Variants in TNRC18 observed in about 807,000 individuals in gnomAD.
TNRC18 encodes trinucleotide repeat-containing gene 18 protein.
A neutral mutation model predicts 226.7 loss-of-function variants in TNRC18; 69 were observed. The ratio of observed to expected loss-of-function variants is 0.30; its 90% CI spans 0.25 to 0.37. The LOEUF is 0.37. TNRC18 is among the 10% of genes least tolerant of loss of function. The probability of loss-of-function intolerance (pLI) is 1.00; values close to 1 mark genes in which losing one functional copy is unlikely to be tolerated. For synonymous variants in TNRC18, 2,449 were observed against 1,927.6 expected (o/e 1.27, Z -7.09); for missense variants, 4,754 against 4,256.6 (o/e 1.12, Z -3.25).
At position 5,348,775 on chromosome 7, in the gene TNRC18, G is replaced by A. The variant is rs971917859; in HGVS notation, c.5471-2965C>T. Among the ~76,000 whole-genome samples the A allele has an allele frequency of 1.2e-4, 18 of 152,232 alleles. No individual in the cohort carries two copies. The South Asian group carries it at 3.1e-3, about 26-fold the overall frequency. Reference sequence around the variant, plus strand: ...GGCTGGAGAGGCCAGCCAGGCAGGCGGGGGCAGGCAGGCAGGCAGTGCACA... The same window carrying A: ...GGCTGGAGAGGCCAGCCAGGCAGGCAGGGGCAGGCAGGCAGGCAGTGCACA... On this transcript the variant is annotated intron_variant, in intron 17 of 29. Transcript: ENST00000430969.
chr7:5,388,990 C>A lies in TNRC18; in HGVS notation c.834G>T (p.Pro278=). The A allele has an allele frequency of 7.3e-7, 1 of 1,369,806 alleles. No homozygotes were observed. The highest frequency in any genetic ancestry group is 9.5e-7 in the Non-Finnish European group (1 of 1,054,298). The allele number at this position is 1,369,806 out of a possible 1,614,324, so 84.9% of individuals were successfully genotyped here. Residue 278 remains proline, a synonymous_variant, in exon 5 of 30, where the codon CCG becomes CCT. Coordinates refer to ENST00000430969, the MANE Select transcript of TNRC18 (RefSeq NM_001080495.3). ...ESKTKNAALQ[P]SVLTMCNGGA... ...CGCCGTTGCACATGGTCAGTACCGACGGCTGCAGCGCCGCATTCTTGGTCT... is the reference window on the plus strand; with the variant it reads ...CGCCGTTGCACATGGTCAGTACCGAAGGCTGCAGCGCCGCATTCTTGGTCT...
At chr7:5,343,771 C>T (rs1006861845) in intron 18 of TNRC18, among the ~76,000 whole-genome samples, 1 of 152,198 alleles carries the variant, frequency 6.6e-6, no homozygotes, top group African/African-American at 2.4e-5. Context: ...TTTTCTCAGA[C>T]ATAATGCTAC....
rs1793112580 is a variant in TNRC18 at position 5,362,051 on chromosome 7, A to AG, written c.4396-19dup. 1 of 1,610,650 alleles carries AG rather than the reference A, an allele frequency of 6.2e-7. No homozygotes were observed. Among genetic ancestry groups the AG allele is most frequent in the Non-Finnish European group, 8.5e-7 (1 of 1,178,158 alleles). ...GCATACATCTGGGGGAAGAACCGGG[A>AG]GAGGAGGAGGGGGTGAGGATGCCAC... On this transcript the variant is annotated intron_variant, in intron 12 of 29. Coordinates refer to ENST00000430969, the MANE Select transcript of TNRC18 (RefSeq NM_001080495.3).
chr7:5,364,418 A>G (rs540199544), intron 11 of TNRC18, among the ~76,000 whole-genome samples: 7 of 150,340 alleles, frequency 4.7e-5, no homozygotes, highest in Admixed American at 4.0e-4. Context: ...TGATCACACC[A>G]CTGCACTCCA....
Position 5,309,431 on chromosome 7 carries a change from C to G in TNRC18, c.8389-63G>C, listed in dbSNP as rs978341130. On this transcript the variant is annotated intron_variant, in intron 27 of 29. Coordinates refer to ENST00000430969, the MANE Select transcript of TNRC18 (RefSeq NM_001080495.3). This position sits in a 1 kb window ranked among gnomAD's most constrained non-coding sequence, Gnocchi z 5.7. ...CAGCCCCAAGGAGCCCGCCGCCTGG[C>G]AGGCTCTGCCGCTTGGGACTCTGGG... The G allele has an allele frequency of 1.5e-5, 22 of 1,462,912 alleles. No individual in the cohort carries two copies. The highest frequency in any genetic ancestry group is 8.2e-5 in the Admixed American group (4 of 48,600). 90.6% of individuals were successfully genotyped at this position (1,462,912 alleles called of 1,614,324 possible).
intron 11 of TNRC18, among the ~76,000 whole-genome samples, chr7:5,364,575 G>A (rs1428895579): frequency 3.3e-5 from 5 of 151,836 alleles, no homozygotes; most frequent in African/African-American, 4.8e-5. Flanking sequence ...AGGCCGAGGC[G>A]GGTGGATGGC....
rs1270663105 is a variant in TNRC18 at position 5,309,138 on chromosome 7, C to T, written c.8619G>A (p.Gln2873=). ...EETSPGKQFH[Q]GQHWDQKSSR... ...AGCCGGGCCGCAGGCTCACCTGGCC[C>T]TGGTGGAACTGCTTGCCCGGGCTGG... The change falls in exon 28 of 30, where the codon CAG becomes CAA. Residue 2873 remains glutamine (Q), a synonymous_variant. Coordinates refer to ENST00000430969, the MANE Select transcript of TNRC18 (RefSeq NM_001080495.3). This position sits in a 1 kb window ranked among gnomAD's most constrained non-coding sequence, Gnocchi z 5.7. 2.5e-6 allele frequency: 4 copies of T among 1,608,622 alleles called. No homozygotes were observed. In the African/African-American group the frequency reaches 5.3e-5, roughly 22 times the overall value.
At chr7:5,333,088 G>A in intron 18 of TNRC18, 39 bp from the exon 19 acceptor site, 2 of 1,539,498 alleles carry the variant, frequency 1.3e-6, no homozygotes, top group Admixed American at 1.9e-5. Context: ...ACAGCCTCGT[G>A]GGGACCCCTT....
intron 18 of TNRC18, among the ~76,000 whole-genome samples, chr7:5,335,301 CAA>C (rs1167746227): frequency 1.2e-4 from 7 of 58,530 alleles, no homozygotes; most frequent in Admixed American, 2.5e-4. Flanking sequence ...GAATCTGTCT[CAA>C]AAAAAAAAAA....
At chr7:5,365,706 A>C (rs6965837) in intron 11 of TNRC18, among the ~76,000 whole-genome samples, 1 of 151,688 alleles carries the variant, frequency 6.6e-6, no homozygotes, top group Non-Finnish European at 1.5e-5. Flanking sequence ...CTTCTGCCGC[A>C]GCCTCCCAAA....
intron 2 of TNRC18, among the ~76,000 whole-genome samples, chr7:5,416,965 G>A (rs1300147545): frequency 1.4e-5 from 2 of 145,506 alleles, no homozygotes; most frequent in South Asian, 2.2e-4. Flanking sequence ...CTGGTTGACA[G>A]AGTAAAACCC....
At chr7:5,355,858 A>G (rs1417886259) in intron 16 of TNRC18, among the ~76,000 whole-genome samples, 1 of 152,070 alleles carries the variant, frequency 6.6e-6, no homozygotes, top group Non-Finnish European at 1.5e-5. Context: ...AGCCTAAGCA[A>G]TAAGAAGAGA....
At chr7:5,351,690 T>C in intron 17 of TNRC18, 129 bp downstream of exon 17, 3 of 1,034,312 alleles carry the variant, frequency 2.9e-6, no homozygotes, top group Non-Finnish European at 4.1e-6. Context: ...GGCAGCCTTC[T>C]TGCGGCCATC....
Position 5,351,961 on chromosome 7 carries a change from C to T in TNRC18, c.5328G>A (p.Lys1776=). 6.2e-7 allele frequency: 1 copy of T among 1,613,936 alleles called. No individual in the cohort carries two copies. The highest frequency in any genetic ancestry group is 8.5e-7 in the Non-Finnish European group (1 of 1,179,866). ...AKNSKAAGGP[K]LTKRGLAAPR... is the part of the protein sequence containing the mutation. ...GGGCCGCCAGGCCCCTCTTGGTCAG[C>T]TTGGGGCCACCAGCTGCCTTGCTGT... The change falls in exon 17 of 30, where the codon AAG becomes AAA. Residue 1776 remains lysine, a synonymous_variant. Coordinates refer to ENST00000430969, the MANE Select transcript of TNRC18 (RefSeq NM_001080495.3).
At chr7:5,350,189 G>A (rs1057228990) in intron 17 of TNRC18, among the ~76,000 whole-genome samples, 2 of 152,202 alleles carry the variant, frequency 1.3e-5, no homozygotes, top group South Asian at 4.2e-4. Flanking sequence ...TCCACGGACA[G>A]CCCGGGCAGG....
chr7:5,410,860 C>CAA (rs34320785), intron 2 of TNRC18, among the ~76,000 whole-genome samples: 445 of 36,296 alleles, frequency 0.012, 4 homozygotes, highest in Middle Eastern at 0.019. Context: ...GACTCCATCT[C>CAA]AAAAAAAAAA....
intron 18 of TNRC18, among the ~76,000 whole-genome samples, chr7:5,339,195 C>T (rs961162949): frequency 3.3e-5 from 5 of 150,554 alleles, no homozygotes; most frequent in Non-Finnish European, 5.9e-5. Flanking sequence ...GGAAACTTCA[C>T]CAACAAATGT....
chr7:5,357,546 G>A (rs1174585896), intron 15 of TNRC18, among the ~76,000 whole-genome samples: 1 of 152,150 alleles, frequency 6.6e-6, no homozygotes, highest in Admixed American at 6.5e-5. Context: ...CGACTAGCTG[G>A]GAGTCGCAAG....
chr7:5,411,038 T>C (rs1403398009), intron 2 of TNRC18, among the ~76,000 whole-genome samples: 3 of 151,612 alleles, frequency 2.0e-5, no homozygotes, highest in Non-Finnish European at 2.9e-5. Context: ...AAACTCCGTC[T>C]CCATTTTAAA....
Sources: allele counts gnomAD v4.1 joint callset (sites outside exome capture counted in the v4.1 genomes callset), GRCh38; gene constraint gnomAD v4.1.1; non-coding constraint Gnocchi (gnomAD v3.1); transcripts MANE v1.5; gene names NCBI Gene and HGNC (gene_info 2026-07-23, HGNC 2026-07-21).